Variants in CLMN observed in about 807,000 individuals in gnomAD.
The protein encoded by CLMN is calmin (calponin-like, transmembrane).
CLMN carries 57 observed loss-of-function variants against 92.7 expected under a neutral mutation model. The observed-to-expected ratio is 0.61, with a 90% CI of 0.50 to 0.77. CLMN has a LOEUF of 0.77. Ranked by LOEUF, CLMN falls within the 30% of genes least tolerant of loss-of-function variation. The pLI is 0.00. For missense variants in CLMN, 1,158 were observed against 1,237.5 expected (o/e 0.94, Z 0.96); for synonymous variants, 466 against 470.6 (o/e 0.99, Z 0.13).
chr14:95,214,726 T>G (rs145784608), intron 5 of CLMN, among the ~76,000 whole-genome samples: 1,818 of 151,146 alleles, frequency 0.012, 28 homozygotes, highest in African/African-American at 0.042. Context: ...ACTGAGGCTC[T>G]GAGAGAGACA....
rs59211402 is a variant in CLMN, at chr14:95,231,193, C to CT, written c.83-1061dup. ...TCAACAGAGGCATTAAATCCTCTAA[C>CT]TTTTTTTTTTTTTTTTTTTTTGATA... On this transcript the variant is annotated intron_variant, in intron 1 of 12. Transcript: ENST00000298912. 6.9e-3 allele frequency among the ~76,000 whole-genome samples: 948 copies of CT among 137,318 alleles called. 8 individuals are homozygous for CT. Among genetic ancestry groups the CT allele is most frequent in the Middle Eastern group, 0.015 (4 of 264 alleles). The allele number at this position is 137,318 out of a possible 152,430, so 90.1% of individuals were successfully genotyped here.
At position 95,188,822 on chromosome 14, in the gene CLMN, G is replaced by T. The variant is rs2140551444; in HGVS notation, c.*2742C>A. The stretch of plus-strand genomic sequence containing the variant: ...AACCAGCACGCTTGGGAGGGGCTAG[G>T]GGAGGGTATTATTTTCCACCTGTCA... On this transcript the variant is annotated 3_prime_UTR_variant, in exon 13 of 13. Coordinates refer to ENST00000298912, the MANE Select transcript of CLMN (RefSeq NM_024734.4). 1 of 152,188 alleles carries T rather than the reference G, an allele frequency of 6.6e-6. No individual in the cohort carries two copies. Among genetic ancestry groups the T allele is most frequent in the East Asian group, 1.9e-4 (1 of 5,174 alleles). The allele number at this position is 152,188 out of a possible 1,614,324, so 9.4% of individuals were successfully genotyped here.
chr14:95,220,880 G>A (rs926869353), intron 4 of CLMN, among the ~76,000 whole-genome samples: 5 of 152,248 alleles, frequency 3.3e-5, no homozygotes, highest in East Asian at 1.9e-4. Flanking sequence ...ATGTCCTGCC[G>A]TCTCTTCAGG....
At chr14:95,309,587 C>T (rs192761687) in intron 1 of CLMN, among the ~76,000 whole-genome samples, 75 of 152,326 alleles carry the variant, frequency 4.9e-4, no homozygotes, top group African/African-American at 1.7e-3. Context: ...TGGCTCAAGC[C>T]GGACTCTCCC....
In CLMN at chr14:95,207,762, C is replaced by T. The variant is rs146589627; in HGVS notation, c.885+1633G>A. Among the ~76,000 whole-genome samples, 11 of 152,240 alleles carry T rather than the reference C, an allele frequency of 7.2e-5. No individual in the cohort carries two copies. The East Asian group carries it at 1.2e-3, about 16-fold the overall frequency. On this transcript the variant is annotated intron_variant, in intron 8 of 12. Coordinates refer to ENST00000298912, the MANE Select transcript of CLMN (RefSeq NM_024734.4). ...CTTCCACAGCGCCCTGTAAGGGGTC[C>T]GTATGTGGTGCAGGGACAGGCAGGA... is the stretch of plus-strand genomic sequence containing the variant.
At chr14:95,306,617 T>A (rs1215648314) in intron 1 of CLMN, among the ~76,000 whole-genome samples, 1 of 151,824 alleles carries the variant, frequency 6.6e-6, no homozygotes, top group Admixed American at 6.6e-5. Context: ...TAAGAGAGTT[T>A]CAGATGAATT....
At chr14:95,245,075 T>C (rs1898410533) in intron 1 of CLMN, among the ~76,000 whole-genome samples, 1 of 123,700 alleles carries the variant, frequency 8.1e-6, no homozygotes. Context: ...AATATCTAAA[T>C]ATTTGGGCCA....
chr14:95,253,023 T>G (rs1053529100), intron 1 of CLMN, among the ~76,000 whole-genome samples: 9 of 152,170 alleles, frequency 5.9e-5, no homozygotes, highest in African/African-American at 2.2e-4. Context: ...TGATAGAAAC[T>G]GAGGGTGATT....
chr14:95,268,237 T>C (rs1899554592), intron 1 of CLMN, among the ~76,000 whole-genome samples: 4 of 152,246 alleles, frequency 2.6e-5, no homozygotes, highest in Admixed American at 2.6e-4. Context: ...TTGATCATTA[T>C]ACATTATATG....
At chr14:95,263,709 G>A (rs923106187) in intron 1 of CLMN, among the ~76,000 whole-genome samples, 4 of 152,360 alleles carry the variant, frequency 2.6e-5, no homozygotes. Flanking sequence ...AAAGAGATGA[G>A]GTGGGGGTGG....
chr14:95,298,986 G>A (rs1274151808), intron 1 of CLMN, among the ~76,000 whole-genome samples: 2 of 152,150 alleles, frequency 1.3e-5, no homozygotes. Flanking sequence ...GCCACTTCCA[G>A]TACTTCCAGC....
intron 9 of CLMN, 142 bp downstream of exon 9, chr14:95,202,696 G>T (rs1246883887): frequency 3.5e-6 from 3 of 864,958 alleles, no homozygotes; most frequent in Non-Finnish European, 5.1e-6. Flanking sequence ...CACAGTAGGT[G>T]CCTCTTTGAA....
intron 1 of CLMN, among the ~76,000 whole-genome samples, chr14:95,285,003 G>A (rs946002543): frequency 2.6e-5 from 4 of 152,158 alleles, no homozygotes; most frequent in Non-Finnish European, 5.9e-5. Context: ...ATTTCCACGT[G>A]TTGTGGGAGG....
chr14:95,314,750 G>T (rs1473604038), intron 1 of CLMN, among the ~76,000 whole-genome samples: 1 of 152,124 alleles, frequency 6.6e-6, no homozygotes, highest in African/African-American at 2.4e-5. Flanking sequence ...ACTAGAACAC[G>T]GCCTTTTGCC....
chr14:95,225,129 C>G (rs1187183160), intron 2 of CLMN, among the ~76,000 whole-genome samples: 1 of 147,796 alleles, frequency 6.8e-6, no homozygotes, highest in Non-Finnish European at 1.5e-5. Context: ...CTCATTATTA[C>G]AAATCTAACT....
rs925155576 is a variant in CLMN, at chr14:95,249,249, G to A, written c.83-19116C>T. Reference sequence around the variant, plus strand: ...TTCTCGCCTTTCCTGAATGGTAGCCGTTGTCACTGCTATTTATCTTGCTTC... The same window carrying A: ...TTCTCGCCTTTCCTGAATGGTAGCCATTGTCACTGCTATTTATCTTGCTTC... On this transcript the variant is annotated intron_variant, in intron 1 of 12. Coordinates refer to ENST00000298912, the MANE Select transcript of CLMN (RefSeq NM_024734.4). Among the ~76,000 whole-genome samples the A allele has an allele frequency of 9.7e-4, 147 of 152,276 alleles. 1 individual carries two copies. Among genetic ancestry groups the A allele is most frequent in the African/African-American group, 3.3e-3 (137 of 41,552 alleles).
chr14:95,311,081 G>A (rs1901515717), intron 1 of CLMN, among the ~76,000 whole-genome samples: 1 of 152,244 alleles, frequency 6.6e-6, no homozygotes, highest in East Asian at 1.9e-4. Context: ...AACGTGGGAA[G>A]GCCCAAATGA....
intron 1 of CLMN, among the ~76,000 whole-genome samples, chr14:95,296,708 T>C (rs182816070): frequency 2.0e-5 from 3 of 152,292 alleles, no homozygotes; most frequent in Non-Finnish European, 2.9e-5. Context: ...CCATCTTGGG[T>C]CTTCAGGTCA....
intron 1 of CLMN, among the ~76,000 whole-genome samples, chr14:95,230,991 T>C (rs866276277): frequency 2.1e-4 from 32 of 151,950 alleles, no homozygotes; most frequent in African/African-American, 6.3e-4. Flanking sequence ...GCGACTGCCA[T>C]CCGCCAAGCA....
Sources: gnomAD v4.1 joint callset for allele counts (sites outside exome capture counted in the v4.1 genomes callset) on GRCh38, gnomAD v4.1.1 for gene constraint, MANE v1.5 for transcripts, NCBI Gene and HGNC (gene_info 2026-07-23, HGNC 2026-07-21) for gene names.